The following KCNIP4 variants were observed in gnomAD, a reference collection of about 807,000 sequenced individuals.
The protein encoded by KCNIP4 is potassium voltage-gated channel interacting protein 4, also known as Kv channel-interacting protein 4.
Under a neutral mutation model 34.0 loss-of-function variants are expected in KCNIP4, and 12 were observed. The observed-to-expected ratio is 0.35, with a 90% confidence interval of 0.23 to 0.57. The LOEUF is 0.57. Ranked by LOEUF, KCNIP4 falls within the 20% of genes least tolerant of loss-of-function variation. The pLI is 0.83. For missense variants in KCNIP4, 238 were observed against 311.7 expected (o/e 0.76, Z 1.78); for synonymous variants, 124 against 102.2 (o/e 1.21, Z -1.29).
chr4:21,670,248 A>G (rs1323446789), intron 1 of KCNIP4, among the ~76,000 whole-genome samples: 4 of 152,130 alleles, frequency 2.6e-5, no homozygotes, highest in Admixed American at 6.5e-5. Flanking sequence ...GCCATAAAAA[A>G]TGATGAGTTC....
chr4:21,445,788 T>G (rs1283493764), intron 1 of KCNIP4, among the ~76,000 whole-genome samples: 6 of 152,106 alleles, frequency 3.9e-5, no homozygotes, highest in Admixed American at 6.5e-5. Flanking sequence ...CTAATTAAAC[T>G]AAAGAGCTTC....
intron 1 of KCNIP4, among the ~76,000 whole-genome samples, chr4:21,458,402 AT>A (rs1442830967): frequency 6.6e-6 from 1 of 151,742 alleles, no homozygotes; most frequent in Non-Finnish European, 1.5e-5. Flanking sequence ...ATTGTTGGAC[AT>A]TTGGGTTGGT....
In KCNIP4 at chr4:20,910,042, C is replaced by T. The variant is rs533517801; in HGVS notation, c.62-27333G>A. ...TTTAAGCAGCCACTGGGCAGTTTTT[C>T]GATCACTGTAACCCCAAAATATTCT... On this transcript the variant is annotated intron_variant, in intron 1 of 8. Transcript: ENST00000382152. Among the ~76,000 whole-genome samples the T allele has an allele frequency of 1.9e-3, 289 of 152,292 alleles. 1 individual carries two copies. The highest frequency in any genetic ancestry group is 6.7e-3 in the African/African-American group (277 of 41,562).
chr4:21,320,723 C>A (rs983108665), intron 1 of KCNIP4, among the ~76,000 whole-genome samples: 1 of 152,016 alleles, frequency 6.6e-6, no homozygotes, highest in African/African-American at 2.4e-5. Context: ...GTAATCTCAG[C>A]ACTTTGGGAG....
At chr4:21,495,741 C>T (rs2109872668) in intron 1 of KCNIP4, among the ~76,000 whole-genome samples, 1 of 152,236 alleles carries the variant, frequency 6.6e-6, no homozygotes. Flanking sequence ...AATGCATTCT[C>T]TATTTCTTCC....
At chr4:21,745,021 G>T (rs185430343) in intron 1 of KCNIP4, among the ~76,000 whole-genome samples, 2 of 152,156 alleles carry the variant, frequency 1.3e-5, no homozygotes, top group East Asian at 3.9e-4. Flanking sequence ...TACCAGCAAA[G>T]AAACAAAAAA....
chr4:21,805,919 T>C (rs1176663246), intron 1 of KCNIP4, among the ~76,000 whole-genome samples: 1 of 152,162 alleles, frequency 6.6e-6, no homozygotes, highest in Admixed American at 6.6e-5. Context: ...AGTAGTGGTG[T>C]TAAGAATTAG....
In KCNIP4 at chr4:20,864,484, AAC is replaced by A. The variant is rs555669701; in HGVS notation, c.164-13819_164-13818del. ...TTCTTGTTCTGTAGATGAAGATACC[AAC>A]ACAGAGAGACTAAGTAACTTGCTCA... On this transcript the variant is annotated intron_variant, in intron 2 of 8. Coordinates refer to ENST00000382152, the MANE Select transcript of KCNIP4 (RefSeq NM_025221.6). 4.9e-3 allele frequency among the ~76,000 whole-genome samples: 749 copies of A among 152,094 alleles called. 4 individuals carry two copies. Among genetic ancestry groups the A allele is most frequent in the Non-Finnish European group, 8.0e-3 (547 of 67,986 alleles).
chr4:21,046,047 C>A (rs1341159949), intron 1 of KCNIP4, among the ~76,000 whole-genome samples: 1 of 152,100 alleles, frequency 6.6e-6, no homozygotes, highest in Non-Finnish European at 1.5e-5. Context: ...GTCACAATGA[C>A]AACAAAATTT....
At chr4:21,755,237 C>A (rs191836387) in intron 1 of KCNIP4, among the ~76,000 whole-genome samples, 2 of 152,262 alleles carry the variant, frequency 1.3e-5, no homozygotes, top group East Asian at 1.9e-4. Context: ...ACCTTCTCAA[C>A]CTCAACTTTC....
At chr4:21,608,025 G>C (rs539297336) in intron 1 of KCNIP4, among the ~76,000 whole-genome samples, 12 of 152,082 alleles carry the variant, frequency 7.9e-5, no homozygotes, top group Non-Finnish European at 1.8e-4. Context: ...CGGATGCTAA[G>C]GCTTGCCCTG....
At chr4:21,828,102 A>G (rs1347269775) in intron 1 of KCNIP4, among the ~76,000 whole-genome samples, 1 of 151,516 alleles carries the variant, frequency 6.6e-6, no homozygotes, top group African/African-American at 2.4e-5. Flanking sequence ...ACATCTATTA[A>G]TAGTATGAGA....
chr4:21,637,532 C>T (rs1234069967), intron 1 of KCNIP4, among the ~76,000 whole-genome samples: 2 of 151,988 alleles, frequency 1.3e-5, no homozygotes, highest in East Asian at 3.9e-4. Flanking sequence ...CATGTAATCC[C>T]AGCACTTTGG....
intron 3 of KCNIP4, among the ~76,000 whole-genome samples, chr4:20,848,339 G>T (rs563661865): frequency 1.8e-4 from 27 of 151,678 alleles, no homozygotes; most frequent in African/African-American, 6.5e-4. Flanking sequence ...ATTCACAAGG[G>T]GAAGAGACAG....
At chr4:20,817,742 A>G (rs1046704306) in intron 3 of KCNIP4, among the ~76,000 whole-genome samples, 1 of 150,576 alleles carries the variant, frequency 6.6e-6, no homozygotes, top group African/African-American at 2.4e-5. Context: ...AAATATATAT[A>G]TTAGATAATG....
At chr4:21,049,850 C>A (rs1742772589) in intron 1 of KCNIP4, among the ~76,000 whole-genome samples, 1 of 152,208 alleles carries the variant, frequency 6.6e-6, no homozygotes, top group Non-Finnish European at 1.5e-5. Flanking sequence ...TGGTTTTTAA[C>A]CTATGCCCAT....
intron 1 of KCNIP4, among the ~76,000 whole-genome samples, chr4:20,905,437 C>T (rs1330431870): frequency 5.3e-5 from 8 of 151,574 alleles, no homozygotes. Context: ...CAAGAGTTCC[C>T]ATGCATGAAT....
At chr4:21,901,011 T>C (rs952557870) in intron 1 of KCNIP4, among the ~76,000 whole-genome samples, 1 of 152,246 alleles carries the variant, frequency 6.6e-6, no homozygotes, top group East Asian at 1.9e-4. Flanking sequence ...TTGCATTTTA[T>C]GCTACTTTTA....
chr4:21,803,080 G>T (rs556269398), intron 1 of KCNIP4, among the ~76,000 whole-genome samples: 5 of 152,218 alleles, frequency 3.3e-5, no homozygotes, highest in South Asian at 4.2e-4. Context: ...AGGGATGAAG[G>T]CCTGCTCCAG....
Sources: allele counts gnomAD v4.1 joint callset (sites outside exome capture counted in the v4.1 genomes callset), GRCh38; gene constraint gnomAD v4.1.1; transcripts MANE v1.5; gene names NCBI Gene and HGNC (gene_info 2026-07-23, HGNC 2026-07-21).